EMSY: variants seen among roughly 807,000 people sequenced by gnomAD.
EMSY encodes the protein EMSY transcriptional repressor, BRCA2 interacting, also known as BRCA2-interacting transcriptional repressor EMSY.
EMSY carries 26 observed loss-of-function variants against 134.6 expected under a neutral mutation model. The ratio of observed to expected loss-of-function variants is 0.19; its 90% CI spans 0.14 to 0.27. The LOEUF is 0.27. Ranked by LOEUF, EMSY falls within the 10% of genes least tolerant of loss-of-function variation. The pLI is 1.00. For missense variants in EMSY, 1,305 were observed against 1,611.4 expected (o/e 0.81, Z 3.26); for synonymous variants, 579 against 577.8 (o/e 1.00, Z -0.03).
At chr11:76,467,181 A>G (rs905998649) in intron 7 of EMSY, among the ~76,000 whole-genome samples, 8 of 152,226 alleles carry the variant, frequency 5.3e-5, no homozygotes, top group Non-Finnish European at 2.9e-5. Context: ...TTTATATGCT[A>G]TTATAGTTAT....
intron 7 of EMSY, among the ~76,000 whole-genome samples, chr11:76,465,623 ACT>A (rs1373409994): frequency 1.4e-5 from 2 of 147,530 alleles, no homozygotes; most frequent in Non-Finnish European, 3.0e-5. Context: ...AAAGCATCCT[ACT>A]CTTTCATAGA....
intron 9 of EMSY, among the ~76,000 whole-genome samples, chr11:76,512,722 T>TAA (rs1320238838): frequency 3.6e-5 from 5 of 137,028 alleles, no homozygotes; most frequent in Non-Finnish European, 8.0e-5. Context: ...TTAGAAAATG[T>TAA]AAAAAAAAAA....
At chr11:76,474,342 A>C (rs974760080) in intron 8 of EMSY, among the ~76,000 whole-genome samples, 1 of 152,166 alleles carries the variant, frequency 6.6e-6, no homozygotes, top group African/African-American at 2.4e-5. Flanking sequence ...GGGAGCTTGG[A>C]AACAATATAG....
intron 8 of EMSY, among the ~76,000 whole-genome samples, chr11:76,483,824 A>G (rs990161744): frequency 1.3e-5 from 2 of 152,200 alleles, no homozygotes; most frequent in Non-Finnish European, 2.9e-5. Flanking sequence ...CCCACTGTCA[A>G]TATTAGAAAG....
chr11:76,501,869 TAAAC>T (rs1949870974), intron 9 of EMSY, among the ~76,000 whole-genome samples: 1 of 151,898 alleles, frequency 6.6e-6, no homozygotes, highest in Non-Finnish European at 1.5e-5. Flanking sequence ...ACAAAGATCA[TAAAC>T]AGACACATCT....
intron 8 of EMSY, among the ~76,000 whole-genome samples, chr11:76,475,062 C>T (rs944605990): frequency 6.6e-6 from 1 of 152,028 alleles, no homozygotes; most frequent in Non-Finnish European, 1.5e-5. Flanking sequence ...CCATGCCCGG[C>T]CTAAATATAA....
chr11:76,491,084 C>T (rs964282652), intron 8 of EMSY, among the ~76,000 whole-genome samples: 3 of 152,000 alleles, frequency 2.0e-5, no homozygotes, highest in African/African-American at 7.2e-5. Context: ...GCTGTTGTTG[C>T]CTCCTCCCCT....
intron 9 of EMSY, among the ~76,000 whole-genome samples, chr11:76,499,337 G>C (rs1277324130): frequency 7.1e-6 from 1 of 140,300 alleles, no homozygotes; most frequent in Non-Finnish European, 1.5e-5. Flanking sequence ...GCCCAGGCTG[G>C]AGTGCAGGGG....
intron 8 of EMSY, among the ~76,000 whole-genome samples, chr11:76,483,219 C>T (rs1225501406): frequency 6.6e-6 from 1 of 152,100 alleles, no homozygotes; most frequent in Non-Finnish European, 1.5e-5. Context: ...TTTTTGTCAC[C>T]ACCAGGCCTG....
intron 14 of EMSY, among the ~76,000 whole-genome samples, chr11:76,533,672 T>A (rs1951124033): frequency 6.6e-6 from 1 of 152,196 alleles, no homozygotes; most frequent in African/African-American, 2.4e-5. Context: ...GAGTCTGCCT[T>A]TGAGTATACT....
chr11:76,543,549 C>T (rs1345654227), intron 18 of EMSY, among the ~76,000 whole-genome samples: 5 of 152,136 alleles, frequency 3.3e-5, no homozygotes, highest in African/African-American at 4.8e-5. Context: ...TGGCCCTAAC[C>T]GTGTCACTCA....
chr11:76,530,080 T>A (rs1950979570), intron 14 of EMSY, among the ~76,000 whole-genome samples: 1 of 152,100 alleles, frequency 6.6e-6, no homozygotes, highest in Non-Finnish European at 1.5e-5. Context: ...TTTGAAATTG[T>A]TAGTCCTTTC....
chr11:76,496,516 C>T (rs1007478639), intron 9 of EMSY, 47 bp downstream of exon 10: 6 of 1,600,094 alleles, frequency 3.7e-6, no homozygotes, highest in African/African-American at 2.7e-5. Context: ...CTTTATTCAC[C>T]AGTTTTTTTA....
rs191728745 is a variant in EMSY at position 76,501,634 on chromosome 11, A to T, written c.1363+5165A>T. 1.1e-4 allele frequency among the ~76,000 whole-genome samples: 17 copies of T among 152,260 alleles called. No homozygotes were observed. In the East Asian group the frequency reaches 2.7e-3, roughly 24 times the overall value. On this transcript the variant is annotated intron_variant, in intron 9 of 20. Transcript: ENST00000334736. ...ATCTGAAAAACGATCAATAGAGGTTATGTGAGCTGAAGAACAAAGAGAAGA... is the reference window on the plus strand; with the variant it reads ...ATCTGAAAAACGATCAATAGAGGTTTTGTGAGCTGAAGAACAAAGAGAAGA...
chr11:76,525,518 T>C (rs918860820), intron 12 of EMSY, among the ~76,000 whole-genome samples: 6 of 152,228 alleles, frequency 3.9e-5, no homozygotes, highest in African/African-American at 1.2e-4. Context: ...AATCTTTTCA[T>C]TTCCATCTTA....
intron 9 of EMSY, among the ~76,000 whole-genome samples, chr11:76,507,898 T>G (rs1368139334): frequency 3.3e-5 from 5 of 149,924 alleles, no homozygotes; most frequent in Non-Finnish European, 7.4e-5. Flanking sequence ...TGAGACATAG[T>G]CTGTCAGCCA....
At chr11:76,503,790 T>A (rs902710002) in intron 9 of EMSY, among the ~76,000 whole-genome samples, 12 of 152,174 alleles carry the variant, frequency 7.9e-5, no homozygotes, top group South Asian at 2.1e-4. Flanking sequence ...CAATTTAATT[T>A]ATTTATTTAT....
intron 1 of EMSY, among the ~76,000 whole-genome samples, chr11:76,445,465 G>A (rs987451353): frequency 6.6e-6 from 1 of 152,210 alleles, no homozygotes; most frequent in Non-Finnish European, 1.5e-5. Flanking sequence ...GGCCCAGAGG[G>A]GCTTGGGTCG....
chr11:76,468,158 A>G (rs779043181), intron 7 of EMSY, among the ~76,000 whole-genome samples: 22 of 151,962 alleles, frequency 1.4e-4, no homozygotes, highest in Non-Finnish European at 2.9e-4. Context: ...TTTACCATAT[A>G]TTTATTTTTA....
Sources: gnomAD v4.1 joint callset for allele counts (sites outside exome capture counted in the v4.1 genomes callset) on GRCh38, gnomAD v4.1.1 for gene constraint, MANE v1.5 for transcripts, NCBI Gene and HGNC (gene_info 2026-07-23, HGNC 2026-07-21) for gene names.